The following NRG1 variants were observed in gnomAD, a reference collection of about 807,000 sequenced individuals.
The protein encoded by NRG1 is pro-neuregulin-1, membrane-bound isoform.
NRG1 carries 18 observed loss-of-function variants against 63.8 expected under a neutral mutation model. The ratio of observed to expected loss-of-function variants is 0.28; its 90% CI spans 0.19 to 0.42. The LOEUF is 0.42. Ranked by LOEUF, NRG1 falls within the 10% of genes least tolerant of loss-of-function variation. The probability of loss-of-function intolerance (pLI) is 1.00; values close to 1 mark genes in which losing one functional copy is unlikely to be tolerated. For synonymous variants in NRG1, 302 were observed against 301.3 expected (o/e 1.00, Z -0.02); for missense variants, 762 against 814.7 (o/e 0.94, Z 0.79).
intron 1 of NRG1, among the ~76,000 whole-genome samples, chr8:32,356,616 T>A (rs1378787958): frequency 6.6e-6 from 1 of 152,112 alleles, no homozygotes; most frequent in Non-Finnish European, 1.5e-5. Flanking sequence ...ATCTGCTACG[T>A]GCAAATGGGA....
chr8:32,372,145 T>C (rs1389727075), intron 1 of NRG1, among the ~76,000 whole-genome samples: 1 of 151,902 alleles, frequency 6.6e-6, no homozygotes, highest in Non-Finnish European at 1.5e-5. Flanking sequence ...TGTGCCACCA[T>C]GCCAGGCTAA....
chr8:32,179,693 A>G (rs1841221261), intron 1 of NRG1, among the ~76,000 whole-genome samples: 1 of 152,154 alleles, frequency 6.6e-6, no homozygotes, highest in Non-Finnish European at 1.5e-5. Flanking sequence ...AATATTCAGA[A>G]AGTGTTTGGT....
At chr8:32,054,605 T>A (rs1324548540) in intron 1 of NRG1, among the ~76,000 whole-genome samples, 1 of 152,156 alleles carries the variant, frequency 6.6e-6, no homozygotes, top group Non-Finnish European at 1.5e-5. Flanking sequence ...TTTTGGAAGT[T>A]CCTTTCTGTT....
intron 1 of NRG1, among the ~76,000 whole-genome samples, chr8:31,930,255 T>C (rs1178800460): frequency 6.6e-6 from 1 of 152,184 alleles, no homozygotes; most frequent in Non-Finnish European, 1.5e-5. Context: ...ATGAAAAGTA[T>C]TGAACTTTTA....
At chr8:31,902,135 G>T (rs767243591) in intron 1 of NRG1, among the ~76,000 whole-genome samples, 1 of 152,142 alleles carries the variant, frequency 6.6e-6, no homozygotes, top group Non-Finnish European at 1.5e-5. Context: ...ACCACTACTA[G>T]GATGGTAAGA....
At chr8:32,073,181 C>T (rs758907936) in intron 1 of NRG1, among the ~76,000 whole-genome samples, 20 of 152,138 alleles carry the variant, frequency 1.3e-4, no homozygotes, top group Non-Finnish European at 2.2e-4. Context: ...GGGTGTTCCG[C>T]GTCATTCACT....
At chr8:32,066,246 C>T (rs78407652) in intron 1 of NRG1, among the ~76,000 whole-genome samples, 124,726 of 135,828 alleles carry the variant, frequency 0.92, 56,955 homozygotes, top group Middle Eastern at 0.98. Flanking sequence ...GTGTTTTAGA[C>T]ATGAAGTCCT....
chr8:32,313,340 A>C (rs2129476088), intron 1 of NRG1, among the ~76,000 whole-genome samples: 1 of 152,244 alleles, frequency 6.6e-6, no homozygotes, highest in Admixed American at 6.5e-5. Flanking sequence ...CATTAGTACC[A>C]AGTGACTTGT....
intron 1 of NRG1, among the ~76,000 whole-genome samples, chr8:31,685,026 T>G (rs1339814009): frequency 6.6e-6 from 1 of 152,190 alleles, no homozygotes; most frequent in Non-Finnish European, 1.5e-5. Context: ...CTACGTATTT[T>G]CATTCTAAAA....
At chr8:32,487,168 C>T (rs1443318940) in intron 1 of NRG1, among the ~76,000 whole-genome samples, 2 of 147,842 alleles carry the variant, frequency 1.4e-5, no homozygotes, top group Non-Finnish European at 3.0e-5. Flanking sequence ...AAAAAAATAA[C>T]GTAAAACAGT....
chr8:32,044,619 T>C (rs1467957441), intron 1 of NRG1, among the ~76,000 whole-genome samples: 1 of 151,726 alleles, frequency 6.6e-6, no homozygotes, highest in Non-Finnish European at 1.5e-5. Flanking sequence ...ATGTTTTTTG[T>C]CCATAGTGTA....
intron 1 of NRG1, among the ~76,000 whole-genome samples, chr8:32,055,872 G>C (rs550000929): frequency 5.3e-4 from 80 of 152,220 alleles, no homozygotes; most frequent in African/African-American, 1.8e-3. Flanking sequence ...TGCAGGGTGA[G>C]AACTGTGTCT....
At chr8:32,546,815 A>G (rs1833117559), upstream of NRG1, among the ~76,000 whole-genome samples, 1 of 152,282 alleles carries the variant, frequency 6.6e-6, no homozygotes, top group African/African-American at 2.4e-5. Context: ...ACTAGAATAA[A>G]ATTAGTGTGA....
In NRG1 at chr8:31,908,402, G is replaced by A. The variant is rs535926599; in HGVS notation, c.37+268971G>A. Among the ~76,000 whole-genome samples the A allele has an allele frequency of 3.9e-5, 6 of 152,254 alleles. No individual in the cohort carries two copies. In the South Asian group the frequency reaches 8.3e-4, roughly 21 times the overall value. On this transcript the variant is annotated intron_variant, in intron 1 of 10. Transcript: ENST00000519301. ...TCAATTATTTGAGGAATCTTGTTAGGGCTCCATTTGTATGGAGAGGTAACA... is the reference window on the plus strand; with the variant it reads ...TCAATTATTTGAGGAATCTTGTTAGAGCTCCATTTGTATGGAGAGGTAACA...
At chr8:32,695,986 T>C (rs959588985) in intron 5 of NRG1, among the ~76,000 whole-genome samples, 3 of 152,156 alleles carry the variant, frequency 2.0e-5, no homozygotes, top group African/African-American at 7.2e-5. Flanking sequence ...ACCACAAAAT[T>C]AGATGATTTT....
intron 1 of NRG1, among the ~76,000 whole-genome samples, chr8:32,430,787 G>GTTTTTT (rs35752428): frequency 4.5e-5 from 6 of 134,152 alleles, no homozygotes; most frequent in Non-Finnish European, 6.5e-5. Context: ...AATGGTTTGG[G>GTTTTTT]TTTTTTTTTT....
At chr8:32,573,393 A>G (rs1008652753) in intron 1 of NRG1, among the ~76,000 whole-genome samples, 6 of 152,224 alleles carry the variant, frequency 3.9e-5, no homozygotes, top group African/African-American at 7.2e-5. Flanking sequence ...ACAAAAACAG[A>G]TGGTAGGCAG....
intron 1 of NRG1, among the ~76,000 whole-genome samples, chr8:32,376,488 C>T (rs556376842): frequency 6.6e-6 from 1 of 152,198 alleles, no homozygotes; most frequent in African/African-American, 2.4e-5. Context: ...AGGTACCTGG[C>T]CAATAAGAGT....
chr8:32,437,310 G>A (rs866365601), intron 1 of NRG1, among the ~76,000 whole-genome samples: 4 of 148,870 alleles, frequency 2.7e-5, no homozygotes, highest in Middle Eastern at 6.8e-3. Flanking sequence ...TGTTTTTTTT[G>A]TTTGTTTGTT....
Sources: allele counts gnomAD v4.1 joint callset (sites outside exome capture counted in the v4.1 genomes callset), GRCh38; gene constraint gnomAD v4.1.1; transcripts MANE v1.5; gene names NCBI Gene and HGNC (gene_info 2026-07-23, HGNC 2026-07-21).